Variants in RPS6KA2 observed in about 807,000 individuals in gnomAD.
RPS6KA2 encodes ribosomal protein S6 kinase A2, also known as ribosomal protein S6 kinase alpha-2.
RPS6KA2 carries 42 observed loss-of-function variants against 91.8 expected under a neutral mutation model. The observed-to-expected ratio is 0.46, with a 90% CI of 0.36 to 0.59. RPS6KA2 has a LOEUF of 0.59. Among genes scored for constraint, RPS6KA2 ranks in the 20% least tolerant of loss-of-function variants. The pLI, the probability that RPS6KA2 is intolerant of heterozygous loss-of-function variation, is 0.00. For synonymous variants in RPS6KA2, 414 were observed against 393.6 expected, an observed-to-expected ratio of 1.05 and a Z score of -0.61; for missense variants, 798 against 978.5, an observed-to-expected ratio of 0.82 and a Z score of 2.46.
intron 11 of RPS6KA2, among the ~76,000 whole-genome samples, chr6:166,462,621 C>G (rs1780359845): frequency 6.6e-6 from 1 of 152,246 alleles, no homozygotes; most frequent in Non-Finnish European, 1.5e-5. Context: ...CCATCTGTGC[C>G]TAGCCCGGTG....
Position 166,488,886 on chromosome 6 carries a change from T to TC in RPS6KA2, c.853dup (p.Glu285GlyfsTer23). ...GAGAGCTCGCAGCAAACTCTGTGCC[T>TC]CCCCACTGAGGAACTGCGGCATCCC... On this transcript the variant is annotated frameshift_variant, in exon 10 of 21. Transcript: ENST00000265678. LOFTEE classifies it high-confidence loss of function. 1 of 1,613,710 alleles carries TC rather than the reference T, an allele frequency of 6.2e-7. No homozygotes were observed. The highest frequency in any genetic ancestry group is 8.5e-7 in the Non-Finnish European group (1 of 1,179,862).
intron 2 of RPS6KA2, among the ~76,000 whole-genome samples, chr6:166,674,653 A>T (rs1788569415): frequency 6.6e-6 from 1 of 152,228 alleles, no homozygotes; most frequent in African/African-American, 2.4e-5. Flanking sequence ...AATAAGCATC[A>T]TGATGATGAA....
chr6:166,637,224 C>T (rs1787274256), intron 2 of RPS6KA2, among the ~76,000 whole-genome samples: 1 of 152,220 alleles, frequency 6.6e-6, no homozygotes, highest in Non-Finnish European at 1.5e-5. Flanking sequence ...GGTGGCTGAC[C>T]CTGTCCGCGC....
intron 2 of RPS6KA2, among the ~76,000 whole-genome samples, chr6:166,647,924 A>G (rs1787685145): frequency 6.7e-6 from 1 of 150,348 alleles, no homozygotes; most frequent in Non-Finnish European, 1.5e-5. Context: ...ACATGCTCAC[A>G]CACACGCACA....
intron 12 of RPS6KA2, among the ~76,000 whole-genome samples, chr6:166,457,385 A>G (rs1386603718): frequency 6.6e-6 from 1 of 152,230 alleles, no homozygotes; most frequent in East Asian, 1.9e-4. Context: ...TAAGTTTGTC[A>G]ATGGGAAGGA....
chr6:166,458,317 T>C (rs1036154736), intron 12 of RPS6KA2, among the ~76,000 whole-genome samples: 1 of 152,164 alleles, frequency 6.6e-6, no homozygotes, highest in Non-Finnish European at 1.5e-5. Context: ...TCTCATGAGA[T>C]CTGAGAGTTT....
chr6:166,734,495 G>T (rs945043045), intron 2 of RPS6KA2, among the ~76,000 whole-genome samples: 1 of 152,192 alleles, frequency 6.6e-6, no homozygotes, highest in Non-Finnish European at 1.5e-5. Context: ...TAATTACTCT[G>T]TGCTCACAAG....
intron 2 of RPS6KA2, among the ~76,000 whole-genome samples, chr6:166,667,652 G>A (rs148368816): frequency 6.6e-6 from 1 of 152,322 alleles, no homozygotes; most frequent in Non-Finnish European, 1.5e-5. Flanking sequence ...CTAAGAGAGT[G>A]ACTGTGCACC....
At chr6:166,593,235 T>C (rs1785414924) in intron 1 of RPS6KA2, among the ~76,000 whole-genome samples, 1 of 151,892 alleles carries the variant, frequency 6.6e-6, no homozygotes, top group African/African-American at 2.4e-5. Context: ...TTATAGGTAA[T>C]ACCAGAGCTA....
chr6:166,472,820 T>C (rs955220339), intron 10 of RPS6KA2, among the ~76,000 whole-genome samples: 1 of 152,148 alleles, frequency 6.6e-6, no homozygotes, highest in Non-Finnish European at 1.5e-5. Flanking sequence ...CCTTCCTTGG[T>C]TCTAGAGGAC....
chr6:166,811,266 G>C (rs1779633984), intron 2 of RPS6KA2, among the ~76,000 whole-genome samples: 1 of 152,200 alleles, frequency 6.6e-6, no homozygotes, highest in Non-Finnish European at 1.5e-5. Flanking sequence ...GGACTGGACT[G>C]ACCGCCAACA....
intron 2 of RPS6KA2, among the ~76,000 whole-genome samples, chr6:166,743,143 A>C (rs576073081): frequency 1.3e-5 from 2 of 152,326 alleles, no homozygotes; most frequent in African/African-American, 2.4e-5. Context: ...AAGACCCTGG[A>C]GCCGAGGCCA....
At chr6:166,801,956 A>AT (rs201457411) in intron 2 of RPS6KA2, among the ~76,000 whole-genome samples, 2 of 151,694 alleles carry the variant, frequency 1.3e-5, no homozygotes, top group Non-Finnish European at 2.9e-5. Flanking sequence ...AAAAAAAAAA[A>AT]ATTTTTAAAT....
intron 1 of RPS6KA2, among the ~76,000 whole-genome samples, chr6:166,601,761 A>G (rs1243858440): frequency 1.3e-5 from 2 of 152,256 alleles, no homozygotes; most frequent in South Asian, 2.1e-4. Context: ...AAGTCATTAA[A>G]GACCAAAGCG....
intron 2 of RPS6KA2, among the ~76,000 whole-genome samples, chr6:166,734,627 G>A (rs1170639292): frequency 2.0e-5 from 3 of 150,936 alleles, no homozygotes; most frequent in Non-Finnish European, 4.4e-5. Flanking sequence ...TTTAAGCACA[G>A]GTCTGTGGGG....
chr6:166,631,497 G>A (rs753529439), upstream of RPS6KA2, among the ~76,000 whole-genome samples: 6 of 152,248 alleles, frequency 3.9e-5, no homozygotes, highest in Non-Finnish European at 7.3e-5. Flanking sequence ...CCGCCAGCCC[G>A]CTGTGAGGAC....
chr6:166,669,363 C>G (rs950354716), intron 2 of RPS6KA2, among the ~76,000 whole-genome samples: 7 of 152,194 alleles, frequency 4.6e-5, no homozygotes, highest in South Asian at 2.1e-4. Context: ...TCTGCTCCCC[C>G]AGGCCATGTG....
intron 2 of RPS6KA2, among the ~76,000 whole-genome samples, chr6:166,713,882 C>A (rs1186766433): frequency 6.6e-6 from 1 of 152,154 alleles, no homozygotes; most frequent in East Asian, 1.9e-4. Flanking sequence ...TGTTAGTGCG[C>A]CCCTCATAGT....
At chr6:166,501,074 G>C (rs1782010764) in intron 6 of RPS6KA2, 150 bp from the exon 7 acceptor site, 2 of 658,350 alleles carry the variant, frequency 3.0e-6, no homozygotes, top group Non-Finnish European at 5.3e-6. Context: ...CCCACGGCTT[G>C]TGCGGTGGGC....
Sources: allele counts gnomAD v4.1 joint callset (sites outside exome capture counted in the v4.1 genomes callset), GRCh38; gene constraint gnomAD v4.1.1; transcripts MANE v1.5; gene names NCBI Gene and HGNC (gene_info 2026-07-23, HGNC 2026-07-21).